Variants in AGGF1 observed in about 807,000 individuals in gnomAD.
AGGF1 encodes the protein angiogenic factor with G patch and FHA domains 1.
AGGF1 carries 56 observed loss-of-function variants against 86.5 expected under a neutral mutation model. The ratio of observed to expected loss-of-function variants is 0.65; its 90% CI spans 0.52 to 0.81. AGGF1 has a LOEUF of 0.81. AGGF1 is among the 30% of genes least tolerant of loss of function. The pLI, the probability that AGGF1 is intolerant of heterozygous loss-of-function variation, is 0.00. For synonymous variants in AGGF1, 313 were observed against 297.1 expected (o/e 1.05, Z -0.55); for missense variants, 816 against 850.9 (o/e 0.96, Z 0.51).
intron 5 of AGGF1, among the ~76,000 whole-genome samples, chr5:77,041,625 TAGA>T (rs1372125820): frequency 1.4e-5 from 2 of 142,262 alleles, no homozygotes; most frequent in African/African-American, 2.6e-5. Context: ...TCCCTAACAA[TAGA>T]AGAAGAATAT....
At position 77,039,602 on chromosome 5, in the gene AGGF1, G is replaced by A; in HGVS notation, c.753G>A (p.Gln251=). Residue 251 remains glutamine, a synonymous_variant, in exon 5 of 14, where the codon CAG becomes CAA. Coordinates refer to ENST00000312916, the MANE Select transcript of AGGF1 (RefSeq NM_018046.5). ...GTGATGTGGAAAGTGGTCGTTATCA[G>A]TTTCATTCTCGAGTAGATTTGCAAC... ...YYCDVESGRY[Q]FHSRVDLQPY... is the part of the protein sequence containing the mutation. 1 of 1,613,170 alleles carries A rather than the reference G, an allele frequency of 6.2e-7. No homozygotes were observed. Among genetic ancestry groups the A allele is most frequent in the South Asian group, 1.1e-5 (1 of 90,956 alleles).
rs771243581 is a variant in AGGF1, at chr5:77,046,597, C to T, written c.1121C>T (p.Thr374Ile). ...TDSEPEEGEITDSQTEDSYDE... is the reference protein window; with the variant it reads ...TDSEPEEGEIIDSQTEDSYDE... Reference sequence around the variant, plus strand: ...AGTGAACCAGAGGAAGGTGAAATTACAGACTCTCAGACTGAGGATAGTTAT... The same window carrying T: ...AGTGAACCAGAGGAAGGTGAAATTATAGACTCTCAGACTGAGGATAGTTAT... The change falls in exon 6 of 14, where the codon ACA becomes ATA. Residue 374 changes from threonine (T) to isoleucine (I), a missense_variant. By Grantham distance (89) the Thr-to-Ile change is moderately conservative. Coordinates refer to ENST00000312916, the MANE Select transcript of AGGF1 (RefSeq NM_018046.5). 2 of 1,613,808 alleles carry T rather than the reference C, an allele frequency of 1.2e-6. No individual in the cohort carries two copies. Among genetic ancestry groups the T allele is most frequent in the South Asian group, 1.1e-5 (1 of 91,042 alleles).
chr5:77,048,920 T>G lies in AGGF1; in HGVS notation c.1314-16T>G. On this transcript the variant is annotated splice_polypyrimidine_tract_variant and intron_variant, in intron 7 of 13. Coordinates refer to ENST00000312916, the MANE Select transcript of AGGF1 (RefSeq NM_018046.5). ...TGCTTCAAAAATTATTAAAGACACTTTACTTAACTCTGCAGAGAAAAGGAT... is the reference window on the plus strand; with the variant it reads ...TGCTTCAAAAATTATTAAAGACACTGTACTTAACTCTGCAGAGAAAAGGAT... 6.2e-7 allele frequency: 1 copy of G among 1,612,892 alleles called. No homozygotes were observed. Among genetic ancestry groups the G allele is most frequent in the East Asian group, 2.2e-5 (1 of 44,786 alleles).
intron 11 of AGGF1, among the ~76,000 whole-genome samples, chr5:77,059,030 T>A (rs1326873497): frequency 1.3e-5 from 2 of 152,024 alleles, no homozygotes; most frequent in Non-Finnish European, 2.9e-5. Context: ...TTTTTAAAAG[T>A]CTCTACATTT....
Position 77,052,592 on chromosome 5 carries a change from T to G in AGGF1, c.1366-114T>G, listed in dbSNP as rs1462635472. On this transcript the variant is annotated intron_variant, in intron 8 of 13. Transcript: ENST00000312916. ...TTTGTGTTTCTAAAAAAGTATTAAG[T>G]ATAATAAAATTTAAATTATCAAAGG... 4.3e-6 allele frequency: 3 copies of G among 694,942 alleles called. No individual in the cohort carries two copies. In the Admixed American group the frequency reaches 8.1e-5, roughly 19 times the overall value. 43.0% of individuals were successfully genotyped at this position (694,942 alleles called of 1,614,324 possible). A position where few individuals can be genotyped will look rare whatever the true frequency, so the allele number is the denominator to read the frequency against.
intron 5 of AGGF1, among the ~76,000 whole-genome samples, chr5:77,042,567 T>C (rs1747123031): frequency 1.7e-5 from 1 of 59,024 alleles, no homozygotes; most frequent in Non-Finnish European, 3.9e-5. Context: ...ACGGGGCGGC[T>C]GGCCGGGCGG....
chr5:77,034,336 T>G, intron 1 of AGGF1, 82 bp from the exon 2 acceptor site: 1 of 868,820 alleles, frequency 1.2e-6, no homozygotes, highest in South Asian at 1.5e-5. Context: ...CTAAAACAAT[T>G]ATTTGTAACG....
intron 12 of AGGF1, 123 bp from the exon 13 acceptor site, chr5:77,061,576 CTTTG>C: frequency 1.2e-6 from 1 of 853,792 alleles, no homozygotes; most frequent in African/African-American, 1.7e-5. Flanking sequence ...GTGTCTTCAA[CTTTG>C]TTAGGTAATG....
chr5:77,040,693 G>C, intron 5 of AGGF1, among the ~76,000 whole-genome samples: 1 of 152,128 alleles, frequency 6.6e-6, no homozygotes, highest in Non-Finnish European at 1.5e-5. Context: ...TAAGTTTGGT[G>C]GTTTATAGGT....
chr5:77,036,815 G>A, intron 4 of AGGF1, 95 bp downstream of exon 4: 1 of 1,377,466 alleles, frequency 7.3e-7, no homozygotes, highest in Non-Finnish European at 1.0e-6. Flanking sequence ...TCAGCTCACT[G>A]CAACTTTCAC....
In AGGF1 at chr5:77,048,988, G is replaced by A; in HGVS notation, c.1365+1G>A. On this transcript the variant is annotated splice_donor_variant, in intron 8 of 13. Coordinates refer to ENST00000312916, the MANE Select transcript of AGGF1 (RefSeq NM_018046.5). LOFTEE classifies it high-confidence loss of function. ...AATCCCTGAAGTTGGTGTCAGTAAG[G>A]TAAGCTCTTTGATTTATCAAATATA... 1.2e-6 allele frequency: 2 copies of A among 1,613,504 alleles called. No individual in the cohort carries two copies. The highest frequency in any genetic ancestry group is 1.7e-6 in the Non-Finnish European group (2 of 1,179,684).
At chr5:77,058,956 C>CT (rs1747503532) in intron 11 of AGGF1, among the ~76,000 whole-genome samples, 2 of 152,166 alleles carry the variant, frequency 1.3e-5, no homozygotes, top group Non-Finnish European at 2.9e-5. Flanking sequence ...TGTTAAGTGA[C>CT]TAATAAGTCA....
At chr5:77,032,244 A>G (rs1483827460) in intron 1 of AGGF1, among the ~76,000 whole-genome samples, 7 of 114,534 alleles carry the variant, frequency 6.1e-5, no homozygotes, top group Non-Finnish European at 1.1e-4. Flanking sequence ...AGGAAAATAC[A>G]AATATGGTAA....
intron 1 of AGGF1, among the ~76,000 whole-genome samples, chr5:77,033,811 G>C (rs1376461385): frequency 7.2e-5 from 11 of 152,190 alleles, no homozygotes; most frequent in Admixed American, 7.2e-4. Context: ...CATGTTACTT[G>C]CTTTTGGGCA....
intron 5 of AGGF1, 91 bp from the exon 6 acceptor site, chr5:77,046,256 C>T (rs1244923455): frequency 9.9e-6 from 11 of 1,113,418 alleles, no homozygotes; most frequent in Middle Eastern, 2.8e-4. Flanking sequence ...CATATCTTCA[C>T]GAATTCGTTG....
intron 13 of AGGF1, 36 bp downstream of exon 13, chr5:77,061,838 A>G: frequency 3.8e-6 from 6 of 1,572,890 alleles, no homozygotes; most frequent in East Asian, 4.5e-5. Flanking sequence ...ATTTATTCCT[A>G]GAGCAGACAT....
At chr5:77,058,917 C>G (rs889310748) in intron 11 of AGGF1, among the ~76,000 whole-genome samples, 3 of 152,180 alleles carry the variant, frequency 2.0e-5, no homozygotes, top group Non-Finnish European at 2.9e-5. Context: ...TAGCATGGAG[C>G]TTGACATACT....
chr5:77,050,139 A>T (rs1337140221), intron 8 of AGGF1, among the ~76,000 whole-genome samples: 1 of 151,928 alleles, frequency 6.6e-6, no homozygotes, highest in Non-Finnish European at 1.5e-5. Flanking sequence ...TTCTAAGCAG[A>T]TTATGTTGCT....
intron 3 of AGGF1, chr5:77,036,082 T>C (rs1279483219): frequency 3.6e-6 from 1 of 279,158 alleles, no homozygotes. Flanking sequence ...TTATGTCAGA[T>C]ACCCTGCCAC....
Sources: allele counts gnomAD v4.1 joint callset (sites outside exome capture counted in the v4.1 genomes callset), GRCh38; gene constraint gnomAD v4.1.1; transcripts MANE v1.5; gene names NCBI Gene and HGNC (gene_info 2026-07-23, HGNC 2026-07-21).